Variants in PAM observed in about 807,000 individuals in gnomAD.
The protein encoded by PAM is peptidyl-glycine alpha-amidating monooxygenase.
A neutral mutation model predicts 122.1 loss-of-function variants in PAM; 72 were observed. The ratio of observed to expected loss-of-function variants is 0.59; its 90% CI spans 0.49 to 0.72. The LOEUF is 0.72. Among genes scored for constraint, PAM ranks in the 30% least tolerant of loss-of-function variants. PAM has a pLI of 0.00. For synonymous variants in PAM, 389 were observed against 404.4 expected, an observed-to-expected ratio of 0.96 and a Z score of 0.46; for missense variants, 1,106 against 1,183.7, an observed-to-expected ratio of 0.93 and a Z score of 0.96.
intron 7 of PAM, among the ~76,000 whole-genome samples, chr5:102,927,278 A>T (rs1749896834): frequency 6.6e-6 from 1 of 152,170 alleles, no homozygotes; most frequent in African/African-American, 2.4e-5. Context: ...GATCGTTAGC[A>T]TGAGGAAGGG....
intron 1 of PAM, among the ~76,000 whole-genome samples, chr5:102,843,847 T>C (rs769425377): frequency 6.6e-6 from 1 of 152,144 alleles, no homozygotes; most frequent in Non-Finnish European, 1.5e-5. Context: ...AATTTTAAAA[T>C]AGTAACATCA....
intron 12 of PAM, among the ~76,000 whole-genome samples, chr5:102,957,888 GTAA>G (rs1249663660): frequency 6.6e-6 from 1 of 152,086 alleles, no homozygotes; most frequent in Admixed American, 6.6e-5. Flanking sequence ...AAGTTTTGTG[GTAA>G]TAATTGTGGA....
At chr5:102,776,417 A>G (rs760595860) in intron 1 of PAM, among the ~76,000 whole-genome samples, 4 of 152,036 alleles carry the variant, frequency 2.6e-5, no homozygotes, top group East Asian at 1.9e-4. Flanking sequence ...TCCCATGCCT[A>G]TGTTCTAAAT....
intron 7 of PAM, among the ~76,000 whole-genome samples, chr5:102,945,158 T>G (rs1268604230): frequency 6.6e-6 from 1 of 152,152 alleles, no homozygotes; most frequent in Non-Finnish European, 1.5e-5. Context: ...AGTTGTAGAC[T>G]ACTTAGAGTT....
chr5:102,918,283 A>G (rs889655938), intron 5 of PAM, among the ~76,000 whole-genome samples: 1 of 152,158 alleles, frequency 6.6e-6, no homozygotes, highest in African/African-American at 2.4e-5. Flanking sequence ...CACCAAGATT[A>G]GAGCAAGCAT....
intron 3 of PAM, among the ~76,000 whole-genome samples, chr5:102,891,647 A>G (rs1277066297): frequency 6.6e-6 from 1 of 151,870 alleles, no homozygotes; most frequent in African/African-American, 2.4e-5. Flanking sequence ...CTTAGAATTG[A>G]ATTGGCTTTC....
intron 5 of PAM, among the ~76,000 whole-genome samples, chr5:102,921,654 G>A (rs1472051987): frequency 2.0e-5 from 3 of 152,108 alleles, no homozygotes; most frequent in African/African-American, 4.8e-5. Context: ...CCTGATAAGA[G>A]AATAAAATAT....
intron 1 of PAM, among the ~76,000 whole-genome samples, chr5:102,855,256 C>G (rs1021635166): frequency 6.6e-6 from 1 of 151,944 alleles, no homozygotes; most frequent in Non-Finnish European, 1.5e-5. Flanking sequence ...AGAAAAATTT[C>G]CATATGTTTT....
intron 17 of PAM, among the ~76,000 whole-genome samples, chr5:103,004,335 T>G (rs1273878539): frequency 6.6e-6 from 1 of 152,160 alleles, no homozygotes; most frequent in Non-Finnish European, 1.5e-5. Flanking sequence ...AGTATCTGTT[T>G]GAAAGCAAAT....
rs1018233941 is a variant in PAM, at chr5:103,029,344, C to G, written c.*279C>G. ...TCTAATCTAACAATGGAAGATTTGC[C>G]CATTTACACTTTTGAGACTTTTTGG... On this transcript the variant is annotated 3_prime_UTR_variant, in exon 26 of 26. Coordinates refer to ENST00000438793, the MANE Select transcript of PAM (RefSeq NM_001177306.2). 1.8e-5 allele frequency: 5 copies of G among 279,534 alleles called. No individual in the cohort carries two copies. The highest frequency in any genetic ancestry group is 3.3e-5 in the Non-Finnish European group (5 of 151,460). The allele number at this position is 279,534 out of a possible 1,614,324, so 17.3% of individuals were successfully genotyped here.
chr5:102,787,372 CA>C (rs1760814105), intron 1 of PAM, among the ~76,000 whole-genome samples: 1 of 152,052 alleles, frequency 6.6e-6, no homozygotes, highest in African/African-American at 2.4e-5. Context: ...GGACCTGAGA[CA>C]TATTTTCTGT....
intron 1 of PAM, among the ~76,000 whole-genome samples, chr5:102,852,007 C>T (rs1781452453): frequency 6.6e-6 from 1 of 152,126 alleles, no homozygotes; most frequent in African/African-American, 2.4e-5. Flanking sequence ...AAGCAGTAAT[C>T]TGTACAACAT....
At chr5:102,976,642 T>A (rs751864539) in intron 15 of PAM, among the ~76,000 whole-genome samples, 1 of 152,140 alleles carries the variant, frequency 6.6e-6, no homozygotes, top group Non-Finnish European at 1.5e-5. Context: ...ATTTGCTGCA[T>A]AGAAGAAAGT....
intron 21 of PAM, among the ~76,000 whole-genome samples, chr5:103,016,066 GATGAAC>G: frequency 6.6e-6 from 1 of 152,250 alleles, no homozygotes; most frequent in South Asian, 2.1e-4. Flanking sequence ...TCCCAAAAAA[GATGAAC>G]ATTTAATGAC....
intron 12 of PAM, among the ~76,000 whole-genome samples, chr5:102,955,581 G>A (rs1191492940): frequency 1.3e-5 from 2 of 152,042 alleles, no homozygotes; most frequent in Admixed American, 6.6e-5. Context: ...AAGTATGCCA[G>A]TATAAAACAG....
chr5:102,908,996 T>C (rs1800550746), intron 4 of PAM, among the ~76,000 whole-genome samples: 1 of 151,850 alleles, frequency 6.6e-6, no homozygotes, highest in Non-Finnish European at 1.5e-5. Context: ...ATTTAGAGCA[T>C]TACTATCTTT....
chr5:102,920,321 C>T (rs1397678687), intron 5 of PAM, among the ~76,000 whole-genome samples: 1 of 151,956 alleles, frequency 6.6e-6, no homozygotes, highest in Non-Finnish European at 1.5e-5. Context: ...TCACTATGTG[C>T]CAAGCACTTT....
intron 22 of PAM, among the ~76,000 whole-genome samples, chr5:103,018,641 C>T (rs1782693121): frequency 6.6e-6 from 1 of 152,130 alleles, no homozygotes; most frequent in African/African-American, 2.4e-5. Context: ...CCCCCAACTG[C>T]ATGACTAAAG....
In PAM at chr5:102,988,844, T is replaced by C. The variant is rs75351365; in HGVS notation, c.1484-1428T>C. Among the ~76,000 whole-genome samples, 48 of 152,302 alleles carry C rather than the reference T, an allele frequency of 3.2e-4. No individual in the cohort carries two copies. In the East Asian group the frequency reaches 8.5e-3, roughly 27 times the overall value. On this transcript the variant is annotated intron_variant, in intron 15 of 25. Transcript: ENST00000438793. ...AAAAAATGTACAAAGTTTAAAATAT[T>C]TTGGGTGAAAAGGTACTTTTCTGTA... is the stretch of plus-strand genomic sequence containing the variant.
Sources: allele counts gnomAD v4.1 joint callset (sites outside exome capture counted in the v4.1 genomes callset), GRCh38; gene constraint gnomAD v4.1.1; transcripts MANE v1.5; gene names NCBI Gene and HGNC (gene_info 2026-07-23, HGNC 2026-07-21).